GATAD2B: variants seen among roughly 807,000 people sequenced by gnomAD.
GATAD2B encodes the protein GATA zinc finger domain containing 2B, also known as transcriptional repressor p66-beta.
Under a neutral mutation model 64.3 loss-of-function variants are expected in GATAD2B, and 8 were observed. The observed-to-expected ratio is 0.12, with a 90% CI of 0.07 to 0.22. The LOEUF (loss-of-function observed/expected upper bound fraction) is 0.22, where lower values mean the gene tolerates loss of function less well. GATAD2B is among the 10% of genes least tolerant of loss of function. The probability of loss-of-function intolerance (pLI) is 1.00; values close to 1 mark genes in which losing one functional copy is unlikely to be tolerated. For missense variants in GATAD2B, 453 were observed against 752.0 expected, an observed-to-expected ratio of 0.60 and a Z score of 4.65; for synonymous variants, 281 against 271.3, an observed-to-expected ratio of 1.04 and a Z score of -0.35.
intron 1 of GATAD2B, among the ~76,000 whole-genome samples, chr1:153,901,856 T>A (rs534759403): frequency 4.2e-5 from 6 of 142,292 alleles, no homozygotes; most frequent in South Asian, 4.5e-4. Flanking sequence ...AATAAATAAA[T>A]TAAATAAAAT....
rs58886241 is a variant in GATAD2B at position 153,808,799 on chromosome 1, TAAAAAAAAA to T, written c.*1369_*1377del. 1 of 93,862 alleles carries T rather than the reference TAAAAAAAAA, an allele frequency of 1.1e-5. No homozygotes were observed. The highest frequency in any genetic ancestry group is 2.1e-5 in the Non-Finnish European group (1 of 46,766). 5.8% of individuals were successfully genotyped at this position (93,862 alleles called of 1,614,324 possible). A position where few individuals can be genotyped will look rare whatever the true frequency, so the allele number is the denominator to read the frequency against. On this transcript the variant is annotated 3_prime_UTR_variant, in exon 11 of 11. Coordinates refer to ENST00000368655, the MANE Select transcript of GATAD2B (RefSeq NM_020699.4). ...ATTCATTCTCTACATTAGTAGCGCT[TAAAAAAAAA>T]AAAAAAAAAAAGGCAAAATTAATAT...
intron 1 of GATAD2B, among the ~76,000 whole-genome samples, chr1:153,840,859 C>T (rs1156839549): frequency 6.6e-6 from 1 of 152,042 alleles, no homozygotes; most frequent in East Asian, 1.9e-4. Context: ...GGCACGGTGG[C>T]TCACGCCTGT....
At chr1:153,836,268 T>G (rs1393757689) in intron 1 of GATAD2B, among the ~76,000 whole-genome samples, 1 of 150,220 alleles carries the variant, frequency 6.7e-6, no homozygotes, top group Non-Finnish European at 1.5e-5. Context: ...AATTTGTTTT[T>G]TTTTTTTTTT....
intron 1 of GATAD2B, among the ~76,000 whole-genome samples, chr1:153,860,071 C>A (rs1294395490): frequency 6.6e-6 from 1 of 151,724 alleles, no homozygotes; most frequent in Non-Finnish European, 1.5e-5. Context: ...GTGGCCACCA[C>A]GCCCAGCTAA....
rs189570738 is a variant in GATAD2B at position 153,809,244 on chromosome 1, A to G, written c.*933T>C. 1 of 152,300 alleles carries G rather than the reference A, an allele frequency of 6.6e-6. No individual in the cohort carries two copies. Among genetic ancestry groups the G allele is most frequent in the East Asian group, 1.9e-4 (1 of 5,190 alleles). The allele number at this position is 152,300 out of a possible 1,614,324, so 9.4% of individuals were successfully genotyped here. On this transcript the variant is annotated 3_prime_UTR_variant, in exon 11 of 11. Coordinates refer to ENST00000368655, the MANE Select transcript of GATAD2B (RefSeq NM_020699.4). ...AGGGTGGGGTGAGGGAGAATTTTAC[A>G]AAGAATACAAGATGAAATAATTTTG...
chr1:153,917,779 C>T (rs1185470609), intron 1 of GATAD2B, among the ~76,000 whole-genome samples: 1 of 152,088 alleles, frequency 6.6e-6, no homozygotes, highest in Non-Finnish European at 1.5e-5. Context: ...CTTCTAAGAC[C>T]TACATCATAG....
At chr1:153,902,789 T>C (rs1226602222) in intron 1 of GATAD2B, among the ~76,000 whole-genome samples, 3 of 152,212 alleles carry the variant, frequency 2.0e-5, no homozygotes, top group South Asian at 2.1e-4. Flanking sequence ...TTTAGTCTAC[T>C]GACTGCATCT....
intron 2 of GATAD2B, among the ~76,000 whole-genome samples, chr1:153,825,240 A>AGT (rs537809775): frequency 1.3e-5 from 2 of 152,250 alleles, no homozygotes; most frequent in Non-Finnish European, 2.9e-5. Flanking sequence ...ATAAAAGCCA[A>AGT]GTAGGTTGCT....
intron 1 of GATAD2B, among the ~76,000 whole-genome samples, chr1:153,918,444 GT>G (rs1446378866): frequency 6.6e-6 from 1 of 152,164 alleles, no homozygotes; most frequent in Non-Finnish European, 1.5e-5. Context: ...AGATGCACAA[GT>G]CTTTCAGTTA....
At chr1:153,921,756 C>T (rs541194178) in intron 1 of GATAD2B, 3 of 152,446 alleles carry the variant, frequency 2.0e-5, no homozygotes, top group African/African-American at 7.2e-5. Flanking sequence ...AAGCCTCCAT[C>T]TCCACCTCAC....
At chr1:153,908,798 A>G (rs972485910) in intron 1 of GATAD2B, among the ~76,000 whole-genome samples, 8 of 151,042 alleles carry the variant, frequency 5.3e-5, no homozygotes, top group Non-Finnish European at 8.9e-5. Flanking sequence ...AAAAAAAAAA[A>G]AAAAGAAAGA....
chr1:153,824,599 G>A (rs547514836), intron 2 of GATAD2B, among the ~76,000 whole-genome samples: 6 of 130,214 alleles, frequency 4.6e-5, no homozygotes, highest in Non-Finnish European at 9.4e-5. Context: ...GCAACAGAGC[G>A]AGACTCTGCC....
At chr1:153,832,140 G>A (rs1366083811) in intron 1 of GATAD2B, among the ~76,000 whole-genome samples, 2 of 152,076 alleles carry the variant, frequency 1.3e-5, no homozygotes, top group African/African-American at 4.8e-5. Flanking sequence ...ACTTGAACCC[G>A]GGAGGCAGAG....
intron 1 of GATAD2B, among the ~76,000 whole-genome samples, chr1:153,895,330 T>C (rs1677553063): frequency 6.8e-6 from 1 of 147,264 alleles, no homozygotes; most frequent in Non-Finnish European, 1.5e-5. Flanking sequence ...CGAGACTCCA[T>C]CTCAAAAAAA....
intron 9 of GATAD2B, 48 bp downstream of exon 9, chr1:153,811,974 G>C (rs1283642468): frequency 1.5e-6 from 2 of 1,325,798 alleles, no homozygotes; most frequent in Non-Finnish European, 2.2e-6. Flanking sequence ...GTGATAAATG[G>C]CTGATAAATC....
intron 1 of GATAD2B, among the ~76,000 whole-genome samples, chr1:153,845,486 C>A (rs1358644497): frequency 6.6e-6 from 1 of 152,090 alleles, no homozygotes; most frequent in Admixed American, 6.6e-5. Flanking sequence ...TGGCTCACAC[C>A]TATAATCCCA....
chr1:153,865,529 C>G (rs373384848), intron 1 of GATAD2B, among the ~76,000 whole-genome samples: 145 of 152,298 alleles, frequency 9.5e-4, no homozygotes, highest in South Asian at 4.6e-3. Context: ...TTCTACCACA[C>G]CAAGGATGGT....
At chr1:153,832,396 G>T (rs1394431711) in intron 1 of GATAD2B, among the ~76,000 whole-genome samples, 1 of 152,216 alleles carries the variant, frequency 6.6e-6, no homozygotes, top group Non-Finnish European at 1.5e-5. Context: ...AAGCCAAAGC[G>T]TAATTCAGAA....
chr1:153,810,397 A>C lies in GATAD2B; in HGVS notation c.1649-87T>G, dbSNP rs1055911019. On this transcript the variant is annotated intron_variant, in intron 10 of 10. Coordinates refer to ENST00000368655, the MANE Select transcript of GATAD2B (RefSeq NM_020699.4). ...CTCTACCCTCGGGCTGCAGAGTTGG[A>C]GATGGAAAGGAAGCAGAATTTACCA... 3.6e-6 allele frequency: 5 copies of C among 1,372,612 alleles called. No homozygotes were observed. The African/African-American group carries it at 7.3e-5, about 20-fold the overall frequency. 85.0% of individuals were successfully genotyped at this position (1,372,612 alleles called of 1,614,324 possible).
Sources: gnomAD v4.1 joint callset for allele counts (sites outside exome capture counted in the v4.1 genomes callset) on GRCh38, gnomAD v4.1.1 for gene constraint, MANE v1.5 for transcripts, NCBI Gene and HGNC (gene_info 2026-07-23, HGNC 2026-07-21) for gene names.